RBFOX1: variants seen among roughly 807,000 people sequenced by gnomAD.
RBFOX1 encodes RNA binding fox-1 homolog 1.
Under a neutral mutation model 57.7 loss-of-function variants are expected in RBFOX1, and 8 were observed. That is an observed-to-expected ratio of 0.14 (90% CI 0.08 to 0.25). The LOEUF (loss-of-function observed/expected upper bound fraction) is 0.25, where lower values mean the gene tolerates loss of function less well. RBFOX1 is among the 10% of genes least tolerant of loss of function. The pLI, the probability that RBFOX1 is intolerant of heterozygous loss-of-function variation, is 1.00. For missense variants in RBFOX1, 611 were observed against 548.5 expected, an observed-to-expected ratio of 1.11 and a Z score of -1.14; for synonymous variants, 326 against 222.4, an observed-to-expected ratio of 1.47 and a Z score of -4.15.
At chr16:6,806,830 A>ATT (rs1374291639) in intron 3 of RBFOX1, among the ~76,000 whole-genome samples, 21 of 76,006 alleles carry the variant, frequency 2.8e-4, no homozygotes, top group Admixed American at 2.7e-3. Context: ...ATATATATAT[A>ATT]TATATATTTT....
At chr16:6,156,427 GAT>G (rs2096838885) in intron 1 of RBFOX1, among the ~76,000 whole-genome samples, 1 of 152,236 alleles carries the variant, frequency 6.6e-6, no homozygotes, top group Admixed American at 6.5e-5. Flanking sequence ...CCTTGCCAGT[GAT>G]TTGTCTTGGA....
chr16:7,421,688 G>A (rs2098544147), intron 4 of RBFOX1, among the ~76,000 whole-genome samples: 1 of 152,254 alleles, frequency 6.6e-6, no homozygotes, highest in Admixed American at 6.5e-5. Context: ...CTGGCCTGGA[G>A]ATGGCCTTTG....
Position 6,917,337 on chromosome 16 carries a change from G to C in RBFOX1, c.-15-134720G>C, listed in dbSNP as rs115620763. On this transcript the variant is annotated intron_variant, in intron 3 of 15. Coordinates refer to ENST00000550418, the MANE Select transcript of RBFOX1 (RefSeq NM_018723.4). ...CACAGTTAGTGACTAATCCCATCTG[G>C]TGAAATCAGTATATGGGATTGCACA... is the stretch of plus-strand genomic sequence containing the variant. Among the ~76,000 whole-genome samples the C allele has an allele frequency of 8.2e-3, 1,245 of 152,288 alleles. 19 individuals carry two copies. The highest frequency in any genetic ancestry group is 0.028 in the African/African-American group (1,176 of 41,550).
chr16:5,913,932 A>G (rs528233622), intron 4 of RBFOX1, among the ~76,000 whole-genome samples: 2 of 152,182 alleles, frequency 1.3e-5, no homozygotes, highest in Non-Finnish European at 2.9e-5. Context: ...ATATTCTGTC[A>G]CTCCTCTCAT....
At chr16:5,860,506 T>A (rs1362310300) in intron 3 of RBFOX1, among the ~76,000 whole-genome samples, 1 of 152,182 alleles carries the variant, frequency 6.6e-6, no homozygotes, top group Non-Finnish European at 1.5e-5. Flanking sequence ...TGTTGCTTGC[T>A]CCCATTTGTC....
In RBFOX1 at chr16:7,356,152, C is replaced by T. The variant is rs1164029864; in HGVS notation, c.28-161995C>T. 2.0e-5 allele frequency among the ~76,000 whole-genome samples: 3 copies of T among 152,186 alleles called. No homozygotes were observed. The South Asian group carries it at 6.2e-4, about 31-fold the overall frequency. On this transcript the variant is annotated intron_variant, in intron 4 of 15. Transcript: ENST00000550418. ...TATGTTCATCCAATCCTTTATTCAT[C>T]ACGTAACTATCAGGCATTGATTCCA...
At chr16:7,426,085 G>A (rs2098608196) in intron 4 of RBFOX1, among the ~76,000 whole-genome samples, 1 of 152,186 alleles carries the variant, frequency 6.6e-6, no homozygotes, top group African/African-American at 2.4e-5. Flanking sequence ...TCTCGTTTAA[G>A]GGAGTAATCA....
intron 4 of RBFOX1, among the ~76,000 whole-genome samples, chr16:7,134,415 G>A (rs1162633365): frequency 1.3e-5 from 2 of 152,096 alleles, no homozygotes; most frequent in Non-Finnish European, 2.9e-5. Context: ...ACTTCTTCAG[G>A]CATTGAGGAT....
chr16:6,187,064 A>G (rs2097109793), intron 1 of RBFOX1, among the ~76,000 whole-genome samples: 1 of 152,156 alleles, frequency 6.6e-6, no homozygotes, highest in Admixed American at 6.5e-5. Context: ...TTTGAGCATC[A>G]GTTATCATGG....
chr16:6,234,517 C>G (rs1432631405), intron 1 of RBFOX1, among the ~76,000 whole-genome samples: 1 of 152,096 alleles, frequency 6.6e-6, no homozygotes, highest in African/African-American at 2.4e-5. Context: ...GGATAAGAGA[C>G]AGTAGAAGTC....
intron 3 of RBFOX1, chr16:5,632,372 T>G (rs1380827641): frequency 2.0e-5 from 3 of 152,250 alleles, no homozygotes; most frequent in Non-Finnish European, 4.4e-5. Context: ...TCAACGTTAT[T>G]TGACCCCCTT....
At chr16:6,964,349 C>A (rs1013674512) in intron 3 of RBFOX1, among the ~76,000 whole-genome samples, 1 of 152,148 alleles carries the variant, frequency 6.6e-6, no homozygotes, top group African/African-American at 2.4e-5. Flanking sequence ...AGTGAAAATA[C>A]TCTATGTGAC....
chr16:7,056,533 C>G (rs1050655640), intron 4 of RBFOX1, among the ~76,000 whole-genome samples: 2 of 152,158 alleles, frequency 1.3e-5, no homozygotes, highest in South Asian at 2.1e-4. Context: ...ACATTTACCT[C>G]TCCAGCATCT....
intron 3 of RBFOX1, among the ~76,000 whole-genome samples, chr16:5,791,196 C>G (rs1275592505): frequency 6.6e-6 from 1 of 152,072 alleles, no homozygotes; most frequent in Non-Finnish European, 1.5e-5. Flanking sequence ...ACGCATGACT[C>G]AGCTAGATCA....
intron 1 of RBFOX1, among the ~76,000 whole-genome samples, chr16:6,280,165 A>G (rs2076227137): frequency 6.6e-6 from 1 of 152,160 alleles, no homozygotes; most frequent in African/African-American, 2.4e-5. Flanking sequence ...TAGGGACCAG[A>G]GGTAGAGGAA....
chr16:6,961,597 C>G (rs947144635), intron 3 of RBFOX1, among the ~76,000 whole-genome samples: 21 of 152,114 alleles, frequency 1.4e-4, no homozygotes, highest in Admixed American at 6.5e-5. Context: ...GCTCTGAGGG[C>G]TGCTGATTGG....
At chr16:7,005,319 G>A (rs762681677) in intron 3 of RBFOX1, among the ~76,000 whole-genome samples, 1 of 152,090 alleles carries the variant, frequency 6.6e-6, no homozygotes, top group Non-Finnish European at 1.5e-5. Context: ...CTTTCAATGA[G>A]ACTGTGTTCT....
intron 3 of RBFOX1, among the ~76,000 whole-genome samples, chr16:6,936,430 A>T (rs1049679399): frequency 6.6e-6 from 1 of 152,192 alleles, no homozygotes; most frequent in African/African-American, 2.4e-5. Flanking sequence ...ACCTAATTGG[A>T]TGCATTTTGT....
At chr16:5,813,386 C>T (rs28628107) in intron 3 of RBFOX1, among the ~76,000 whole-genome samples, 1,662 of 152,268 alleles carry the variant, frequency 0.011, 31 homozygotes, top group African/African-American at 0.038. Context: ...ACCCATTAAG[C>T]ATTCATACCC....
Sources: gnomAD v4.1 joint callset for allele counts (sites outside exome capture counted in the v4.1 genomes callset) on GRCh38, gnomAD v4.1.1 for gene constraint, MANE v1.5 for transcripts, NCBI Gene and HGNC (gene_info 2026-07-23, HGNC 2026-07-21) for gene names.